Variants in C1QTNF7 observed in about 807,000 individuals in gnomAD.
C1QTNF7 encodes C1q and TNF related 7.
In C1QTNF7, 15 loss-of-function variants were observed where a neutral mutation model predicts 19.6. That is an observed-to-expected ratio of 0.76 (90% confidence interval 0.51 to 1.18). The LOEUF (loss-of-function observed/expected upper bound fraction) is 1.18, where lower values mean the gene tolerates loss of function less well. Ranked by LOEUF, C1QTNF7 falls within the 50% of genes most tolerant of loss-of-function variation. The probability of loss-of-function intolerance (pLI) is 0.00; values close to 1 mark genes in which losing one functional copy is unlikely to be tolerated. For missense variants in C1QTNF7, 324 were observed against 359.7 expected (o/e 0.90, Z 0.80); for synonymous variants, 142 against 137.5 (o/e 1.03, Z -0.23).
intron 1 of C1QTNF7, among the ~76,000 whole-genome samples, chr4:15,397,752 T>C (rs1718840127): frequency 6.6e-6 from 1 of 152,256 alleles, no homozygotes; most frequent in South Asian, 2.1e-4. Flanking sequence ...CAACATTCTA[T>C]GCACTCAGCT....
chr4:15,409,639 G>A (rs1264172024), intron 1 of C1QTNF7, among the ~76,000 whole-genome samples: 8 of 152,202 alleles, frequency 5.3e-5, no homozygotes, highest in East Asian at 3.9e-4. Flanking sequence ...GGAGGGTCTC[G>A]GGCAGTCTAG....
intron 2 of C1QTNF7, among the ~76,000 whole-genome samples, chr4:15,439,184 G>T (rs1185995109): frequency 6.6e-6 from 1 of 152,190 alleles, no homozygotes; most frequent in Non-Finnish European, 1.5e-5. Context: ...ACCTAAGCAT[G>T]TGAGCAAATT....
chr4:15,381,266 A>C (rs1718131369), intron 1 of C1QTNF7, among the ~76,000 whole-genome samples: 1 of 151,564 alleles, frequency 6.6e-6, no homozygotes, highest in Non-Finnish European at 1.5e-5. Context: ...AAATACAAAA[A>C]ATTAGCCAGG....
chr4:15,445,795 G>A lies in C1QTNF7; in HGVS notation c.*2996G>A, dbSNP rs991456338. 6.6e-6 allele frequency: 1 copy of A among 152,096 alleles called. No individual in the cohort carries two copies. The highest frequency in any genetic ancestry group is 1.5e-5 in the Non-Finnish European group (1 of 68,032). 9.4% of individuals were successfully genotyped at this position (152,096 alleles called of 1,614,324 possible). ...GTAAAGGCTGACTTGTAATGAATAT[G>A]TATTAAGCAATATTTATTGACTATA... On this transcript the variant is annotated 3_prime_UTR_variant, in exon 3 of 3. Coordinates refer to ENST00000444304, the MANE Select transcript of C1QTNF7 (RefSeq NM_031911.5).
In C1QTNF7 at chr4:15,389,760, G is replaced by T. The variant is rs982948457; in HGVS notation, c.14-45976G>T. On this transcript the variant is annotated intron_variant, in intron 1 of 2. Coordinates refer to the C1QTNF7 transcript ENST00000295297. Reference sequence around the variant, plus strand: ...GTGTGGAGCACCCAGAAATCTCTAGGGTGCCTTCCTTGATCCCCTAGAGAT... The same window carrying T: ...GTGTGGAGCACCCAGAAATCTCTAGTGTGCCTTCCTTGATCCCCTAGAGAT... Among the ~76,000 whole-genome samples, 4 of 152,224 alleles carry T rather than the reference G, an allele frequency of 2.6e-5. No homozygotes were observed. In the South Asian group the frequency reaches 8.3e-4, roughly 32 times the overall value.
intron 1 of C1QTNF7, among the ~76,000 whole-genome samples, chr4:15,412,944 C>T (rs773311341): frequency 2.0e-5 from 3 of 152,188 alleles, no homozygotes; most frequent in African/African-American, 4.8e-5. Context: ...TAACCCATTT[C>T]ACTGTCACAC....
At chr4:15,435,564 A>G (rs892542839) in intron 1 of C1QTNF7, among the ~76,000 whole-genome samples, 172 bp from the exon 2 acceptor site, 3 of 152,144 alleles carry the variant, frequency 2.0e-5, no homozygotes, top group Non-Finnish European at 2.9e-5. Context: ...TAATGTGTTG[A>G]TAATTTTCAA....
At chr4:15,365,747 A>G (rs1268755436) in intron 1 of C1QTNF7, among the ~76,000 whole-genome samples, 1 of 151,526 alleles carries the variant, frequency 6.6e-6, no homozygotes, top group Non-Finnish European at 1.5e-5. Flanking sequence ...TTTGTCATAC[A>G]TGGTGGAGAA....
At chr4:15,411,004 G>A (rs189066497) in intron 1 of C1QTNF7, among the ~76,000 whole-genome samples, 4 of 152,248 alleles carry the variant, frequency 2.6e-5, no homozygotes, top group East Asian at 3.9e-4. Context: ...TTTCACACGC[G>A]AACAGGAAGG....
At chr4:15,374,111 C>G (rs911412452) in intron 1 of C1QTNF7, 6 of 152,194 alleles carry the variant, frequency 3.9e-5, no homozygotes, top group Non-Finnish European at 8.8e-5. Flanking sequence ...TTGCATCTGC[C>G]TCCACCTCCC....
intron 1 of C1QTNF7, among the ~76,000 whole-genome samples, chr4:15,397,463 C>A (rs557700465): frequency 6.6e-6 from 1 of 152,338 alleles, no homozygotes; most frequent in African/African-American, 2.4e-5. Flanking sequence ...TGAGCTCAGA[C>A]AACTCTTCCT....
At chr4:15,382,423 A>G (rs990563025) in intron 1 of C1QTNF7, among the ~76,000 whole-genome samples, 4 of 152,198 alleles carry the variant, frequency 2.6e-5, no homozygotes, top group Middle Eastern at 3.4e-3. Flanking sequence ...AAAAAATTCT[A>G]GAACACAATT....
chr4:15,351,542 A>G (rs1716938903), intron 1 of C1QTNF7, among the ~76,000 whole-genome samples: 1 of 152,232 alleles, frequency 6.6e-6, no homozygotes, highest in Non-Finnish European at 1.5e-5. Flanking sequence ...AATTTTAGCC[A>G]TTTCTCAACC....
intron 1 of C1QTNF7, among the ~76,000 whole-genome samples, chr4:15,364,545 A>G (rs1196178235): frequency 6.6e-6 from 1 of 152,220 alleles, no homozygotes; most frequent in Non-Finnish European, 1.5e-5. Context: ...AATGCCAAAA[A>G]CATTTGCCAT....
At chr4:15,431,049 A>AGAC in intron 1 of C1QTNF7, among the ~76,000 whole-genome samples, 1 of 140,810 alleles carries the variant, frequency 7.1e-6, no homozygotes, top group Non-Finnish European at 1.5e-5. Context: ...TAAGATAGAT[A>AGAC]GATGATAGAT....
intron 1 of C1QTNF7, among the ~76,000 whole-genome samples, chr4:15,368,332 G>A (rs573449418): frequency 1.3e-5 from 2 of 152,024 alleles, no homozygotes; most frequent in Admixed American, 1.3e-4. Context: ...GGGTACATGT[G>A]CACAACTTGC....
intron 1 of C1QTNF7, among the ~76,000 whole-genome samples, chr4:15,370,126 T>A (rs900677453): frequency 5.9e-5 from 9 of 152,218 alleles, no homozygotes; most frequent in African/African-American, 2.2e-4. Context: ...TATAGTGATA[T>A]AAGATGTCAC....
chr4:15,415,626 T>TATAC (rs1719577813), intron 1 of C1QTNF7, among the ~76,000 whole-genome samples: 2 of 151,370 alleles, frequency 1.3e-5, no homozygotes, highest in Admixed American at 1.3e-4. Flanking sequence ...GATGCATATA[T>TATAC]ATATATATAT....
chr4:15,368,095 C>A lies in C1QTNF7; in HGVS notation c.13+27888C>A, dbSNP rs566657409. Reference sequence around the variant, plus strand: ...TGACCTCATGCAACCACTTATCTGACTGATCTGCTTTTTTGTCACTGTGGA... The same window carrying A: ...TGACCTCATGCAACCACTTATCTGAATGATCTGCTTTTTTGTCACTGTGGA... On this transcript the variant is annotated intron_variant, in intron 1 of 2. Coordinates refer to the C1QTNF7 transcript ENST00000295297. 3.9e-5 allele frequency among the ~76,000 whole-genome samples: 6 copies of A among 152,214 alleles called. No individual in the cohort carries two copies. In the South Asian group the frequency reaches 1.2e-3, roughly 32 times the overall value.
Sources: allele counts gnomAD v4.1 joint callset (sites outside exome capture counted in the v4.1 genomes callset), GRCh38; gene constraint gnomAD v4.1.1; transcripts MANE v1.5; gene names NCBI Gene and HGNC (gene_info 2026-07-23, HGNC 2026-07-21).